Variants in FEZ2 observed in about 807,000 individuals in gnomAD.
The protein encoded by FEZ2 is fasciculation and elongation protein zeta 2, also known as fasciculation and elongation protein zeta-2.
A neutral mutation model predicts 40.4 loss-of-function variants in FEZ2; 51 were observed. The ratio of observed to expected loss-of-function variants is 1.26; its 90% CI spans 1.01 to 1.59. The LOEUF (loss-of-function observed/expected upper bound fraction) is 1.59. FEZ2 is among the 40% of genes most tolerant of loss of function. The pLI, the probability that FEZ2 is intolerant of heterozygous loss-of-function variation, is 0.00. For missense variants in FEZ2, 640 were observed against 438.3 expected (o/e 1.46, Z -4.11); for synonymous variants, 242 against 172.0 (o/e 1.41, Z -3.18).
chr2:36,553,910 ACC>A, intron 7 of FEZ2, among the ~76,000 whole-genome samples: 1 of 152,278 alleles, frequency 6.6e-6, no homozygotes, highest in South Asian at 2.1e-4. Flanking sequence ...GGAACAGTTA[ACC>A]AGCTGTGAAC....
In FEZ2 at chr2:36,558,524, T is replaced by TAAA; in HGVS notation, c.904-14_904-12dup. 5.8e-6 allele frequency: 7 copies of TAAA among 1,215,598 alleles called. No individual in the cohort carries two copies. Among genetic ancestry groups the TAAA allele is most frequent in the South Asian group, 3.3e-5 (2 of 59,820 alleles). 75.3% of individuals were successfully genotyped at this position (1,215,598 alleles called of 1,614,324 possible). Reference sequence around the variant, plus strand: ...GACTGTAGTCAAATACTGCCAAGTTTAAAAAAAAAAAGTGTCACTTAAATC... The same window carrying TAAA: ...GACTGTAGTCAAATACTGCCAAGTTTAAAAAAAAAAAAAAGTGTCACTTAAATC... On this transcript the variant is annotated splice_polypyrimidine_tract_variant and intron_variant, in intron 5 of 7. Coordinates refer to ENST00000405912, the MANE Select transcript of FEZ2 (RefSeq NM_005102.3).
chr2:36,587,007 T>C (rs912134541), intron 2 of FEZ2, among the ~76,000 whole-genome samples: 2 of 152,158 alleles, frequency 1.3e-5, no homozygotes, highest in Non-Finnish European at 2.9e-5. Context: ...TTTCTACTCT[T>C]AAAGGTATAA....
intron 5 of FEZ2, among the ~76,000 whole-genome samples, chr2:36,577,259 TC>T (rs1668600099): frequency 6.6e-6 from 1 of 151,586 alleles, no homozygotes; most frequent in South Asian, 2.1e-4. Flanking sequence ...ATAAGCAATG[TC>T]CTTTTTTTTT....
At chr2:36,587,541 A>T (rs892955627) in intron 2 of FEZ2, among the ~76,000 whole-genome samples, 2 of 152,190 alleles carry the variant, frequency 1.3e-5, no homozygotes, top group African/African-American at 4.8e-5. Context: ...AGACATATCA[A>T]ATTTAGAAGT....
chr2:36,574,139 A>G (rs1204494243), intron 5 of FEZ2, among the ~76,000 whole-genome samples: 1 of 152,254 alleles, frequency 6.6e-6, no homozygotes, highest in African/African-American at 2.4e-5. Flanking sequence ...AACAATTAGC[A>G]TTTACTCATG....
At chr2:36,573,017 A>C (rs1425528081) in intron 5 of FEZ2, among the ~76,000 whole-genome samples, 1 of 152,156 alleles carries the variant, frequency 6.6e-6, no homozygotes, top group Non-Finnish European at 1.5e-5. Flanking sequence ...ACCGTTAGTC[A>C]CTGATTGCTA....
chr2:36,558,308 T>C (rs868176299), intron 6 of FEZ2, 130 bp downstream of exon 6: 4 of 479,946 alleles, frequency 8.3e-6, no homozygotes, highest in Non-Finnish European at 1.5e-5. Context: ...CTTATAAAAA[T>C]AAACAATTAT....
intron 7 of FEZ2, among the ~76,000 whole-genome samples, chr2:36,555,087 C>T (rs1475342141): frequency 6.6e-6 from 1 of 152,172 alleles, no homozygotes; most frequent in Non-Finnish European, 1.5e-5. Context: ...AGCAACTCAA[C>T]CTCTCACTCT....
At chr2:36,579,333 A>G (rs72868478) in intron 4 of FEZ2, among the ~76,000 whole-genome samples, 3,529 of 152,284 alleles carry the variant, frequency 0.023, 133 homozygotes, top group African/African-American at 0.081. Flanking sequence ...ACTTAATTAC[A>G]TAAGTCCTGA....
At chr2:36,557,548 C>CTAA (rs756469486) in intron 6 of FEZ2, 5 of 152,104 alleles carry the variant, frequency 3.3e-5, no homozygotes, top group Non-Finnish European at 5.9e-5. Flanking sequence ...TGGTTCCCCC[C>CTAA]TAATTAGCAA....
chr2:36,567,091 G>A (rs1668265399), intron 5 of FEZ2, among the ~76,000 whole-genome samples: 1 of 152,110 alleles, frequency 6.6e-6, no homozygotes, highest in Non-Finnish European at 1.5e-5. Context: ...GGGAGAGACA[G>A]GTCTTAGGCA....
intron 6 of FEZ2, 144 bp from the exon 7 acceptor site, chr2:36,555,892 G>A (rs1443383569): frequency 1.5e-6 from 1 of 664,808 alleles, no homozygotes; most frequent in East Asian, 2.8e-5. Context: ...TTCCTGATAA[G>A]GGGATACAAC....
Position 36,552,858 on chromosome 2 carries a change from C to A in FEZ2, c.*305G>T. 3.0e-6 allele frequency: 1 copy of A among 329,372 alleles called. No individual in the cohort carries two copies. Among genetic ancestry groups the A allele is most frequent in the Non-Finnish European group, 5.5e-6 (1 of 181,778 alleles). 20.4% of individuals were successfully genotyped at this position (329,372 alleles called of 1,614,324 possible). On this transcript the variant is annotated 3_prime_UTR_variant, in exon 8 of 8. Coordinates refer to ENST00000405912, the MANE Select transcript of FEZ2 (RefSeq NM_005102.3). ...TAAGAAAGCCATAAAAACAAATGGG[C>A]ATACTGTCAGTTAATGAGAAATACA... is the stretch of plus-strand genomic sequence containing the variant.
At chr2:36,571,361 T>C (rs1190152515) in intron 5 of FEZ2, among the ~76,000 whole-genome samples, 1 of 152,222 alleles carries the variant, frequency 6.6e-6, no homozygotes, top group Non-Finnish European at 1.5e-5. Flanking sequence ...AATATTTACA[T>C]TCAAGAATGC....
intron 2 of FEZ2, among the ~76,000 whole-genome samples, chr2:36,588,578 T>A (rs1057075444): frequency 1.3e-5 from 2 of 152,142 alleles, no homozygotes; most frequent in Non-Finnish European, 2.9e-5. Context: ...AGTGGGGTAG[T>A]ATTTGCATAT....
intron 5 of FEZ2, chr2:36,560,840 T>C: frequency 6.2e-7 from 1 of 1,610,890 alleles, no homozygotes; most frequent in Non-Finnish European, 8.5e-7. Context: ...CTGAATGACA[T>C]TTGAGATCCC....
At chr2:36,574,222 G>A (rs1177017080) in intron 5 of FEZ2, among the ~76,000 whole-genome samples, 1 of 152,166 alleles carries the variant, frequency 6.6e-6, no homozygotes, top group Non-Finnish European at 1.5e-5. Flanking sequence ...CCGTCTGTAT[G>A]TAGGACGAAG....
intron 1 of FEZ2, among the ~76,000 whole-genome samples, chr2:36,591,736 G>C (rs1024959627): frequency 5.9e-5 from 9 of 152,096 alleles, no homozygotes; most frequent in Non-Finnish European, 1.2e-4. Flanking sequence ...AGGGTCAAAT[G>C]GTAAGGGCAT....
At position 36,553,129 on chromosome 2, in the gene FEZ2, T is replaced by C. The variant is rs773950876; in HGVS notation, c.*34A>G. The C allele has an allele frequency of 1.9e-6, 3 of 1,555,358 alleles. No individual in the cohort carries two copies. The South Asian group carries it at 3.6e-5, about 18-fold the overall frequency. ...TCTCAGAATAATGCTGTCGGAAATCTAGCTTGGAGCCCACCGCAGATAAAG... is the reference window on the plus strand; with the variant it reads ...TCTCAGAATAATGCTGTCGGAAATCCAGCTTGGAGCCCACCGCAGATAAAG... On this transcript the variant is annotated 3_prime_UTR_variant, in exon 8 of 8. Transcript: ENST00000405912.
Sources: gnomAD v4.1 joint callset for allele counts (sites outside exome capture counted in the v4.1 genomes callset) on GRCh38, gnomAD v4.1.1 for gene constraint, MANE v1.5 for transcripts, NCBI Gene and HGNC (gene_info 2026-07-23, HGNC 2026-07-21) for gene names.